Variants in ARFGEF2 observed in about 807,000 individuals in gnomAD.
ARFGEF2 encodes the protein brefeldin A-inhibited guanine nucleotide-exchange protein 2.
ARFGEF2 carries 74 observed loss-of-function variants against 219.9 expected under a neutral mutation model. The ratio of observed to expected loss-of-function variants is 0.34; its 90% confidence interval spans 0.28 to 0.41. The LOEUF is 0.41. Among genes scored for constraint, ARFGEF2 ranks in the 10% least tolerant of loss-of-function variants. ARFGEF2 has a pLI of 1.00. For synonymous variants in ARFGEF2, 733 were observed against 799.2 expected, an observed-to-expected ratio of 0.92 and a Z score of 1.40; for missense variants, 1,743 against 2,218.3, an observed-to-expected ratio of 0.79 and a Z score of 4.30.
At chr20:48,943,638 A>T (rs1227837628) in intron 3 of ARFGEF2, among the ~76,000 whole-genome samples, 1 of 152,120 alleles carries the variant, frequency 6.6e-6, no homozygotes, top group East Asian at 1.9e-4. Flanking sequence ...TGCCTTGATA[A>T]TAGCTCACTA....
At chr20:48,935,546 C>A (rs1040917127) in intron 1 of ARFGEF2, among the ~76,000 whole-genome samples, 4 of 152,208 alleles carry the variant, frequency 2.6e-5, no homozygotes, top group Non-Finnish European at 4.4e-5. Flanking sequence ...CCCCACCTTT[C>A]CCCCCTTTCT....
At chr20:48,998,792 T>G (rs1223570893) in intron 25 of ARFGEF2, among the ~76,000 whole-genome samples, 1 of 152,206 alleles carries the variant, frequency 6.6e-6, no homozygotes. Context: ...ACAAATACAC[T>G]GATGCTTGGA....
chr20:49,009,195 G>C (rs2091481473), intron 26 of ARFGEF2, among the ~76,000 whole-genome samples: 1 of 152,158 alleles, frequency 6.6e-6, no homozygotes, highest in African/African-American at 2.4e-5. Flanking sequence ...ATGTTGTGTA[G>C]TCAGTCCTTT....
intron 3 of ARFGEF2, among the ~76,000 whole-genome samples, chr20:48,944,882 C>CAGCT (rs2091016618): frequency 6.6e-6 from 1 of 152,212 alleles, no homozygotes; most frequent in Non-Finnish European, 1.5e-5. Flanking sequence ...TATTGGAACA[C>CAGCT]AGCTGTCTTA....
chr20:49,028,427 A>G (rs2091615717), intron 36 of ARFGEF2, 103 bp from the exon 37 acceptor site: 2 of 1,318,008 alleles, frequency 1.5e-6, no homozygotes, highest in African/African-American at 3.0e-5. Flanking sequence ...CAAGAAAAAA[A>G]CAGATGTTTC....
At chr20:48,970,332 C>T (rs748050153) in intron 9 of ARFGEF2, among the ~76,000 whole-genome samples, 1 of 147,162 alleles carries the variant, frequency 6.8e-6, no homozygotes, top group South Asian at 2.2e-4. Context: ...AAAAATAGGC[C>T]GGGCGCGGTA....
chr20:49,029,845 C>T (rs1045991479), intron 37 of ARFGEF2, among the ~76,000 whole-genome samples: 19 of 151,284 alleles, frequency 1.3e-4, no homozygotes, highest in African/African-American at 4.6e-4. Context: ...TGCCGACCTC[C>T]GCCTCCCAAA....
chr20:48,953,759 C>T lies in ARFGEF2; in HGVS notation c.807C>T (p.Asp269=), dbSNP rs149172723. Residue 269 remains aspartate, a synonymous_variant, in exon 6 of 39, where the codon GAC becomes GAT. Transcript: ENST00000371917. ...DSGKVSTENG[D]APRERGSSLS... ...GAAAAGTAAGCACAGAAAATGGAGA[C>T]GCACCCAGAGAAAGAGGCTCATCAC... 4.1e-3 allele frequency: 6,558 copies of T among 1,614,020 alleles called. 21 individuals carry two copies. Among genetic ancestry groups the T allele is most frequent in the Non-Finnish European group, 4.9e-3 (5,781 of 1,179,984 alleles).
rs1395431893 is a variant in ARFGEF2, at chr20:49,035,212, G to C, written c.*2013G>C. On this transcript the variant is annotated 3_prime_UTR_variant, in exon 39 of 39. Transcript: ENST00000371917. Reference sequence around the variant, plus strand: ...TGGTTATTTTTCCTTTCCTTCTGAGGTTCTCATGTCATTTTCTTCATCGGA... The same window carrying C: ...TGGTTATTTTTCCTTTCCTTCTGAGCTTCTCATGTCATTTTCTTCATCGGA... 3 of 152,108 alleles carry C rather than the reference G, an allele frequency of 2.0e-5. No individual in the cohort carries two copies. The highest frequency in any genetic ancestry group is 4.8e-5 in the African/African-American group (2 of 41,412). 9.4% of individuals were successfully genotyped at this position (152,108 alleles called of 1,614,324 possible). A position where few individuals can be genotyped will look rare whatever the true frequency, so the allele number is the denominator to read the frequency against.
chr20:48,965,091 G>A (rs2091179494), intron 7 of ARFGEF2, among the ~76,000 whole-genome samples: 1 of 152,064 alleles, frequency 6.6e-6, no homozygotes, highest in Non-Finnish European at 1.5e-5. Flanking sequence ...TTATAGAAAT[G>A]CCTGTAAAAT....
chr20:48,988,746 T>G (rs1463036930), intron 18 of ARFGEF2, 84 bp downstream of exon 18: 2 of 1,241,380 alleles, frequency 1.6e-6, no homozygotes, highest in East Asian at 2.3e-5. Flanking sequence ...GGTGATAAAT[T>G]TAATGTGCAT....
Position 49,036,005 on chromosome 20 carries a change from AC to A in ARFGEF2, c.*2808del, listed in dbSNP as rs2091664350. ...TTTTGTACGAAATGAAAAAAAAAAA[AC>A]CTGTATTTTTTTTGTTGTTCTTTTG... On this transcript the variant is annotated 3_prime_UTR_variant, in exon 39 of 39. Transcript: ENST00000371917. 2.5e-6 allele frequency: 1 copy of A among 393,820 alleles called. No individual in the cohort carries two copies. Among genetic ancestry groups the A allele is most frequent in the Non-Finnish European group, 4.4e-6 (1 of 224,752 alleles). 24.4% of individuals were successfully genotyped at this position (393,820 alleles called of 1,614,324 possible).
intron 5 of ARFGEF2, among the ~76,000 whole-genome samples, chr20:48,953,228 C>G (rs1372693805): frequency 6.8e-6 from 1 of 146,818 alleles, no homozygotes; most frequent in African/African-American, 2.5e-5. Context: ...CAAGCTGGAG[C>G]GCAGTGACAG....
intron 21 of ARFGEF2, among the ~76,000 whole-genome samples, chr20:48,993,388 A>C (rs976787429): frequency 1.3e-5 from 2 of 152,308 alleles, no homozygotes; most frequent in South Asian, 2.1e-4. Context: ...TAGCTTACTA[A>C]TAATAATTTA....
intron 7 of ARFGEF2, among the ~76,000 whole-genome samples, chr20:48,964,516 TGGGCTGGA>T (rs1288831428): frequency 4.1e-4 from 63 of 152,302 alleles, no homozygotes; most frequent in African/African-American, 1.1e-3. Flanking sequence ...TTTCTAGGAG[TGGGCTGGA>T]GCCCTGAGAT....
At chr20:48,925,837 A>G (rs2090873537) in intron 1 of ARFGEF2, among the ~76,000 whole-genome samples, 1 of 152,210 alleles carries the variant, frequency 6.6e-6, no homozygotes, top group African/African-American at 2.4e-5. Flanking sequence ...ACCCTCACAC[A>G]AAAGTGCTAA....
At position 49,033,060 on chromosome 20, in the gene ARFGEF2, G is replaced by A. The variant is rs1396574532; in HGVS notation, c.5219G>A (p.Cys1740Tyr). The change falls in exon 39 of 39, where the codon TGT becomes TAT. Residue 1740 changes from cysteine to tyrosine, a missense_variant. Around this residue, in one of 5 missense-constraint regions of ARFGEF2, gnomAD observed 578 missense variants for 664.0 expected, o/e 0.87. Transcript: ENST00000371917. The part of the protein sequence containing the change: ...AHASMYYPYL[C>Y]EIMQFDLIPE... ...GCTTCAATGTACTACCCCTACTTGTGTGAAATTATGCAGTTTGACCTGATC... is the reference window on the plus strand; with the variant it reads ...GCTTCAATGTACTACCCCTACTTGTATGAAATTATGCAGTTTGACCTGATC... The A allele has an allele frequency of 7.4e-6, 12 of 1,614,062 alleles. No individual in the cohort carries two copies. Among genetic ancestry groups the A allele is most frequent in the Non-Finnish European group, 1.0e-5 (12 of 1,180,026 alleles).
chr20:49,023,026 G>A (rs1222932219), intron 34 of ARFGEF2, 25 bp from the exon 35 acceptor site: 2 of 1,613,860 alleles, frequency 1.2e-6, no homozygotes, highest in Admixed American at 3.3e-5. Context: ...TCATTATTAG[G>A]GTTAATCTTT....
intron 26 of ARFGEF2, among the ~76,000 whole-genome samples, chr20:49,008,147 G>A (rs1001689635): frequency 1.3e-5 from 2 of 152,280 alleles, no homozygotes; most frequent in Middle Eastern, 3.4e-3. Context: ...GTGAAATATA[G>A]TAAAGCGTTA....
Sources: allele counts gnomAD v4.1 joint callset (sites outside exome capture counted in the v4.1 genomes callset), GRCh38; gene constraint gnomAD v4.1.1; regional missense constraint gnomAD v4.1.1; transcripts MANE v1.5; gene names NCBI Gene and HGNC (gene_info 2026-07-23, HGNC 2026-07-21).